RNF150: variants seen among roughly 807,000 people sequenced by gnomAD.
RNF150 encodes the protein ring finger protein 150.
RNF150 carries 24 observed loss-of-function variants against 39.3 expected under a neutral mutation model. The ratio of observed to expected loss-of-function variants is 0.61; its 90% CI spans 0.44 to 0.86. RNF150 has a LOEUF of 0.86. RNF150 is among the 40% of genes least tolerant of loss of function. The pLI, the probability that RNF150 is intolerant of heterozygous loss-of-function variation, is 0.00. For synonymous variants in RNF150, 255 were observed against 227.3 expected (o/e 1.12, Z -1.10); for missense variants, 502 against 587.8 (o/e 0.85, Z 1.51).
At chr4:141,040,959 T>C (rs1030909267) in intron 1 of RNF150, among the ~76,000 whole-genome samples, 6 of 152,184 alleles carry the variant, frequency 3.9e-5, no homozygotes, top group African/African-American at 1.4e-4. Flanking sequence ...ACCATCAGCA[T>C]TATGTGTGCC....
chr4:141,068,690 A>G (rs28440889), intron 1 of RNF150, among the ~76,000 whole-genome samples: 35,336 of 147,662 alleles, frequency 0.24, 4,243 homozygotes, highest in Middle Eastern at 0.4. Context: ...CCTACCCATG[A>G]GCATGGAATG....
intron 1 of RNF150, among the ~76,000 whole-genome samples, chr4:141,000,010 AG>A (rs1272722468): frequency 0.24 from 8,656 of 36,174 alleles, 1,867 homozygotes; most frequent in South Asian, 0.42. Context: ...AAGAAGAAGA[AG>A]AAGAAGAAGA....
chr4:140,918,945 T>C (rs985769939), intron 5 of RNF150, among the ~76,000 whole-genome samples: 4 of 152,164 alleles, frequency 2.6e-5, no homozygotes, highest in African/African-American at 9.7e-5. Flanking sequence ...CACATGATTA[T>C]CTCAATAGAT....
At chr4:141,052,514 T>G (rs929584753) in intron 1 of RNF150, among the ~76,000 whole-genome samples, 2 of 152,124 alleles carry the variant, frequency 1.3e-5, no homozygotes, top group Non-Finnish European at 2.9e-5. Context: ...TAGCTAGGAC[T>G]ATAGGCATGC....
At chr4:141,140,565 G>A (rs934528791) in intron 1 of RNF150, among the ~76,000 whole-genome samples, 7 of 152,044 alleles carry the variant, frequency 4.6e-5, no homozygotes, top group African/African-American at 1.7e-4. Flanking sequence ...TTTTCATTGA[G>A]TACATTTTAA....
rs560815529 is a variant in RNF150, at chr4:141,070,305, C to G, written c.484+62020G>C. On this transcript the variant is annotated intron_variant, in intron 1 of 6. Coordinates refer to ENST00000515673, the MANE Select transcript of RNF150 (RefSeq NM_020724.2). ...AGAAGAAAACCTAGGCATTACCATT[C>G]AGGACATAGGCATGGGCAAGGACTT... 1.6e-4 allele frequency among the ~76,000 whole-genome samples: 25 copies of G among 152,086 alleles called. 1 individual carries two copies. In the South Asian group the frequency reaches 5.2e-3, roughly 32 times the overall value.
chr4:141,146,366 T>A (rs1227030594), intron 1 of RNF150, among the ~76,000 whole-genome samples: 2 of 152,194 alleles, frequency 1.3e-5, no homozygotes, highest in South Asian at 2.1e-4. Context: ...ACAAGAGAAT[T>A]ATTGTTTGCT....
intron 1 of RNF150, among the ~76,000 whole-genome samples, chr4:141,120,434 C>T (rs940626605): frequency 6.6e-6 from 1 of 152,064 alleles, no homozygotes; most frequent in Non-Finnish European, 1.5e-5. Context: ...CAATAAAACC[C>T]CATGATTCTA....
chr4:141,002,760 T>C (rs1162925029), intron 1 of RNF150, among the ~76,000 whole-genome samples: 2 of 152,136 alleles, frequency 1.3e-5, no homozygotes, highest in Non-Finnish European at 2.9e-5. Context: ...CTGGGCAAAA[T>C]GACCTGTGTT....
rs1369887698 is a variant in RNF150 at position 140,930,107 on chromosome 4, G to A, written c.891-4034C>T. Among the ~76,000 whole-genome samples, 6 of 151,488 alleles carry A rather than the reference G, an allele frequency of 4.0e-5. No individual in the cohort carries two copies. The East Asian group carries it at 1.2e-3, about 30-fold the overall frequency. ...ACCTGGGAGGTGGAGGTTGCAGTGA[G>A]CCGAGATCACACCACTGCACTCCTG... On this transcript the variant is annotated intron_variant, in intron 4 of 6. Coordinates refer to ENST00000515673, the MANE Select transcript of RNF150 (RefSeq NM_020724.2).
At chr4:140,896,699 AACAAAAAAAC>A (rs1729961747) in intron 6 of RNF150, among the ~76,000 whole-genome samples, 2 of 44,470 alleles carry the variant, frequency 4.5e-5, no homozygotes, top group East Asian at 1.3e-3. Flanking sequence ...AAAAAAAAAA[AACAAAAAAAC>A]AAACAAACAA....
In RNF150 at chr4:140,893,457, A is replaced by G. The variant is rs990522333; in HGVS notation, c.1198+17687T>C. ...TGGAATACATCATGCTAAGGAATCAAGGCAAAACCACAGAGTAGGCTAAGA... is the reference window on the plus strand; with the variant it reads ...TGGAATACATCATGCTAAGGAATCAGGGCAAAACCACAGAGTAGGCTAAGA... On this transcript the variant is annotated intron_variant, in intron 6 of 6. Transcript: ENST00000515673. Among the ~76,000 whole-genome samples the G allele has an allele frequency of 4.4e-4, 67 of 152,230 alleles. 2 individuals carry two copies. Among genetic ancestry groups the G allele is most frequent in the Admixed American group, 4.4e-3 (67 of 15,282 alleles).
chr4:140,954,367 A>G (rs1732663951), intron 2 of RNF150, among the ~76,000 whole-genome samples: 1 of 152,082 alleles, frequency 6.6e-6, no homozygotes, highest in African/African-American at 2.4e-5. Context: ...GGTGTGTGCC[A>G]CTGCACCCAG....
At chr4:141,092,755 C>T (rs939055116) in intron 1 of RNF150, among the ~76,000 whole-genome samples, 1 of 151,646 alleles carries the variant, frequency 6.6e-6, no homozygotes, top group East Asian at 1.9e-4. Context: ...TAGCTTTATC[C>T]TTTTTGAGAA....
intron 1 of RNF150, among the ~76,000 whole-genome samples, chr4:141,141,572 C>T (rs749339276): frequency 1.1e-4 from 16 of 152,250 alleles, no homozygotes; most frequent in Non-Finnish European, 1.6e-4. Flanking sequence ...GAGGCCAAGG[C>T]GGCAGATCAC....
At chr4:141,144,854 G>A (rs1453606639) in intron 1 of RNF150, among the ~76,000 whole-genome samples, 1 of 152,154 alleles carries the variant, frequency 6.6e-6, no homozygotes. Context: ...TAGAAGGAAG[G>A]AAGGAAGGAA....
At chr4:141,027,917 T>TG (rs1735770717) in intron 1 of RNF150, among the ~76,000 whole-genome samples, 1 of 53,426 alleles carries the variant, frequency 1.9e-5, no homozygotes, top group Non-Finnish European at 3.4e-5. Flanking sequence ...AATTTGTTTT[T>TG]TTTTTTTTGT....
chr4:141,081,504 T>C (rs1285984405), intron 1 of RNF150, among the ~76,000 whole-genome samples: 1 of 152,216 alleles, frequency 6.6e-6, no homozygotes, highest in Non-Finnish European at 1.5e-5. Flanking sequence ...ATGTGTTTCA[T>C]GTTTGGCAGC....
intron 1 of RNF150, among the ~76,000 whole-genome samples, chr4:141,063,061 G>C (rs942937653): frequency 6.6e-6 from 1 of 152,100 alleles, no homozygotes; most frequent in African/African-American, 2.4e-5. Flanking sequence ...AGTTGATCTT[G>C]TTCCTATGCA....
Sources: gnomAD v4.1 joint callset for allele counts (sites outside exome capture counted in the v4.1 genomes callset) on GRCh38, gnomAD v4.1.1 for gene constraint, MANE v1.5 for transcripts, NCBI Gene and HGNC (gene_info 2026-07-23, HGNC 2026-07-21) for gene names.